FNTB: variants seen among roughly 807,000 people sequenced by gnomAD.
FNTB encodes protein farnesyltransferase subunit beta.
A neutral mutation model predicts 59.4 loss-of-function variants in FNTB; 27 were observed. That is an observed-to-expected ratio of 0.45 (90% CI 0.34 to 0.63). The LOEUF is 0.63. Among genes scored for constraint, FNTB ranks in the 20% least tolerant of loss-of-function variants. FNTB has a pLI of 0.02. For synonymous variants in FNTB, 230 were observed against 220.7 expected (o/e 1.04, Z -0.37); for missense variants, 449 against 559.6 (o/e 0.80, Z 1.99).
rs370710730 is a variant in FNTB, at chr14:64,989,922, C to G, written c.144+2825C>G. Among the ~76,000 whole-genome samples, 14 of 152,000 alleles carry G rather than the reference C, an allele frequency of 9.2e-5. No individual in the cohort carries two copies. The East Asian group carries it at 1.6e-3, about 17-fold the overall frequency. ...TTGGGATAGAGGGGATAGGGTGTGT[C>G]AGGAATGGGTGGGGTGGGAGCAGGG... On this transcript the variant is annotated intron_variant, in intron 1 of 11. Transcript: ENST00000246166.
In FNTB at chr14:65,009,355, A is replaced by C. The variant is rs867853593; in HGVS notation, c.210-2962A>C. On this transcript the variant is annotated intron_variant, in intron 2 of 11. Transcript: ENST00000246166. The surrounding 1 kb of genome is among the most constrained non-coding windows in gnomAD (Gnocchi z 4.2). ...TTCTTAATTTCACTGGCGCTTCACTAACTGCCTTATAATCCTTTTATTCGT... is the reference window on the plus strand; with the variant it reads ...TTCTTAATTTCACTGGCGCTTCACTCACTGCCTTATAATCCTTTTATTCGT... 9.2e-3 allele frequency among the ~76,000 whole-genome samples: 1,395 copies of C among 152,162 alleles called. 22 individuals carry two copies. Among genetic ancestry groups the C allele is most frequent in the African/African-American group, 0.031 (1,293 of 41,490 alleles).
In FNTB at chr14:65,019,989, T is replaced by G. The variant is rs557511891; in HGVS notation, c.374+4273T>G. Among the ~76,000 whole-genome samples, 138 of 152,334 alleles carry G rather than the reference T, an allele frequency of 9.1e-4. 7 individuals are homozygous for G. In the South Asian group the frequency reaches 0.024, roughly 26 times the overall value. On this transcript the variant is annotated intron_variant, in intron 4 of 11. Transcript: ENST00000246166. ...GTTTTCTTTCTTCATACAAATATAT[T>G]AAGGTGACCTAGAGTCAAAAAGTCT...
rs2061697511 is a variant in FNTB, at chr14:65,012,403, C to G, written c.282+14C>G. ...GATGCCTATGAGGTAAACACATTAC[C>G]CAGGAACTCTTGCTGTCAAATTATC... On this transcript the variant is annotated intron_variant, in intron 3 of 11. Coordinates refer to ENST00000246166, the MANE Select transcript of FNTB (RefSeq NM_002028.4). This position sits in a 1 kb window ranked among gnomAD's most constrained non-coding sequence, Gnocchi z 5.0. 12 of 1,613,974 alleles carry G rather than the reference C, an allele frequency of 7.4e-6. No homozygotes were observed. The highest frequency in any genetic ancestry group is 6.8e-6 in the Non-Finnish European group (8 of 1,179,878).
At chr14:64,998,075 T>C (rs1888469570) in intron 1 of FNTB, among the ~76,000 whole-genome samples, 1 of 152,116 alleles carries the variant, frequency 6.6e-6, no homozygotes, top group African/African-American at 2.4e-5. Flanking sequence ...TTTTGTTTGT[T>C]AAACATTTAA....
rs1390091818 is a variant in FNTB at position 64,997,529 on chromosome 14, A to AT, written c.145-6718dup. ...TGCCAGCTGCATGTCAGTTAAAGTC[A>AT]TTCTTTATTGCAAGGCTGTGGTCTT... On this transcript the variant is annotated intron_variant, in intron 1 of 11. Transcript: ENST00000246166. The surrounding 1 kb of genome is among the most constrained non-coding windows in gnomAD (Gnocchi z 4.5). 1.3e-5 allele frequency among the ~76,000 whole-genome samples: 2 copies of AT among 152,218 alleles called. No homozygotes were observed. The highest frequency in any genetic ancestry group is 2.9e-5 in the Non-Finnish European group (2 of 68,038).
chr14:65,027,908 C>A lies in FNTB; in HGVS notation c.605+127C>A. Reference sequence around the variant, plus strand: ...TGTCCCAGAATGACACATGGGATGACATGTCAGTGACACGTCAGAATCATT... The same window carrying A: ...TGTCCCAGAATGACACATGGGATGAAATGTCAGTGACACGTCAGAATCATT... On this transcript the variant is annotated intron_variant, in intron 6 of 11. Coordinates refer to ENST00000246166, the MANE Select transcript of FNTB (RefSeq NM_002028.4). The surrounding 1 kb of genome is among the most constrained non-coding windows in gnomAD (Gnocchi z 5.7). The A allele has an allele frequency of 1.6e-6, 2 of 1,215,858 alleles. No individual in the cohort carries two copies. Among genetic ancestry groups the A allele is most frequent in the Non-Finnish European group, 2.3e-6 (2 of 855,330 alleles). 75.3% of individuals were successfully genotyped at this position (1,215,858 alleles called of 1,614,324 possible).
At position 65,029,688 on chromosome 14, in the gene FNTB, A is replaced by AGT. The variant is rs1230555885; in HGVS notation, c.605+1908_605+1909dup. On this transcript the variant is annotated intron_variant, in intron 6 of 11. Transcript: ENST00000246166. This position sits in a 1 kb window ranked among gnomAD's most constrained non-coding sequence, Gnocchi z 4.7. The stretch of plus-strand genomic sequence containing the variant: ...AGCATGTGTTGCTCAAGAAAGGACA[A>AGT]GTTCAGTGTTGAAGTGTAGATGGCC... Among the ~76,000 whole-genome samples the AGT allele has an allele frequency of 6.6e-6, 1 of 152,190 alleles. No individual in the cohort carries two copies. The highest frequency in any genetic ancestry group is 1.5e-5 in the Non-Finnish European group (1 of 68,032).
chr14:65,027,404 G>T lies in FNTB; in HGVS notation c.375-49G>T. 1 of 1,604,386 alleles carries T rather than the reference G, an allele frequency of 6.2e-7. No homozygotes were observed. ...GAATCTAGTGGGAATTTGGTGTTTTGACATGAATGCTCTCTGACTTTGTTT... is the reference window on the plus strand; with the variant it reads ...GAATCTAGTGGGAATTTGGTGTTTTTACATGAATGCTCTCTGACTTTGTTT... On this transcript the variant is annotated intron_variant, in intron 4 of 11. Transcript: ENST00000246166. This position sits in a 1 kb window ranked among gnomAD's most constrained non-coding sequence, Gnocchi z 5.7.
chr14:65,001,520 T>C lies in FNTB; in HGVS notation c.145-2729T>C, dbSNP rs530590415. On this transcript the variant is annotated intron_variant, in intron 1 of 11. Coordinates refer to ENST00000246166, the MANE Select transcript of FNTB (RefSeq NM_002028.4). The surrounding 1 kb of genome is among the most constrained non-coding windows in gnomAD (Gnocchi z 5.5). Reference sequence around the variant, plus strand: ...CGTCTCTCAGAATGTATCCCTGTAGTTAAGCTACTCGTGATTATATGGGAG... The same window carrying C: ...CGTCTCTCAGAATGTATCCCTGTAGCTAAGCTACTCGTGATTATATGGGAG... Among the ~76,000 whole-genome samples, 1 of 152,280 alleles carries C rather than the reference T, an allele frequency of 6.6e-6. No homozygotes were observed. Among genetic ancestry groups the C allele is most frequent in the Admixed American group, 6.5e-5 (1 of 15,300 alleles).
At chr14:65,006,156 C>CTTTTT (rs367570902) in intron 2 of FNTB, 5 of 1,501,218 alleles carry the variant, frequency 3.3e-6, no homozygotes, top group African/African-American at 1.5e-5. Context: ...ACCTTTGTGT[C>CTTTTT]TTTTTTTTTT....
chr14:65,020,850 G>A (rs2061873586), intron 4 of FNTB, among the ~76,000 whole-genome samples: 2 of 150,634 alleles, frequency 1.3e-5, no homozygotes, highest in Admixed American at 1.3e-4. Flanking sequence ...TCCTGCCTCA[G>A]CTTCCCAAGT....
At chr14:64,989,490 A>C (rs1379819210) in intron 1 of FNTB, among the ~76,000 whole-genome samples, 1 of 152,022 alleles carries the variant, frequency 6.6e-6, no homozygotes, top group African/African-American at 2.4e-5. Context: ...TGGGCAACAT[A>C]GCAAGACCCT....
rs1337926194 is a variant in FNTB at position 65,023,022 on chromosome 14, A to G, written c.375-4431A>G. Among the ~76,000 whole-genome samples the G allele has an allele frequency of 6.6e-6, 1 of 152,130 alleles. No homozygotes were observed. The highest frequency in any genetic ancestry group is 2.4e-5 in the African/African-American group (1 of 41,426). On this transcript the variant is annotated intron_variant, in intron 4 of 11. Coordinates refer to ENST00000246166, the MANE Select transcript of FNTB (RefSeq NM_002028.4). The surrounding 1 kb of genome is among the most constrained non-coding windows in gnomAD (Gnocchi z 4.1). ...TGCTTATTTACTGTACATGCCTTTG[A>G]ATCCTTCATCCAAACTGATGACGGT...
At chr14:65,026,268 A>T (rs182637045) in intron 4 of FNTB, among the ~76,000 whole-genome samples, 2 of 152,338 alleles carry the variant, frequency 1.3e-5, no homozygotes, top group Admixed American at 6.5e-5. Context: ...TTTCTGGTGC[A>T]CTTCGGAAGA....
intron 2 of FNTB, among the ~76,000 whole-genome samples, chr14:65,010,109 C>G (rs375327270): frequency 1.3e-5 from 2 of 152,344 alleles, no homozygotes; most frequent in South Asian, 4.1e-4. Context: ...GTTGTCTTTT[C>G]CCCTCAGTCT....
At chr14:65,057,646 C>CA (rs1303878434) in intron 11 of FNTB, among the ~76,000 whole-genome samples, 1 of 152,178 alleles carries the variant, frequency 6.6e-6, no homozygotes, top group Non-Finnish European at 1.5e-5. Flanking sequence ...GGCAATGCAG[C>CA]AAGTCATTAA....
In FNTB at chr14:65,027,598, A is replaced by G. The variant is rs774834025; in HGVS notation, c.520A>G (p.Arg174Gly). 6.2e-7 allele frequency: 1 copy of G among 1,614,196 alleles called. No individual in the cohort carries two copies. The highest frequency in any genetic ancestry group is 1.1e-5 in the South Asian group (1 of 91,088). Residue 174 changes from arginine (R) to glycine (G), a missense_variant and splice_region_variant, in exon 5 of 12, where the codon AGA becomes GGA. Transcript: ENST00000246166. This position sits in a 1 kb window ranked among gnomAD's most constrained non-coding sequence, Gnocchi z 5.7. ...CGAGGAGGCCTATGACATCATTAAC[A>G]GGTACAGTGAAAGCCAGCAGTGACA... Reference protein sequence around the residue: ...GTEEAYDIINREKLLQYLYSL... With the variant: ...GTEEAYDIINGEKLLQYLYSL...
intron 4 of FNTB, among the ~76,000 whole-genome samples, chr14:65,016,342 T>G (rs1043385420): frequency 6.6e-6 from 1 of 152,152 alleles, no homozygotes; most frequent in South Asian, 2.1e-4. Context: ...CATTTATATA[T>G]TAAAGAAGAA....
chr14:65,045,627 G>C (rs2062460762), intron 9 of FNTB, among the ~76,000 whole-genome samples: 1 of 152,166 alleles, frequency 6.6e-6, no homozygotes, highest in African/African-American at 2.4e-5. Flanking sequence ...TGTTGGACAG[G>C]CTGTTCTTGA....
Sources: allele counts gnomAD v4.1 joint callset (sites outside exome capture counted in the v4.1 genomes callset), GRCh38; gene constraint gnomAD v4.1.1; non-coding constraint Gnocchi (gnomAD v3.1); transcripts MANE v1.5; gene names NCBI Gene and HGNC (gene_info 2026-07-23, HGNC 2026-07-21).